PLA2G4D: variants seen among roughly 807,000 people sequenced by gnomAD.
PLA2G4D encodes phospholipase A2 group IVD, also known as cytosolic phospholipase A2 delta.
A neutral mutation model predicts 94.4 loss-of-function variants in PLA2G4D; 80 were observed. The observed-to-expected ratio is 0.85, with a 90% CI of 0.71 to 1.02. The LOEUF is 1.02. PLA2G4D is among the 50% of genes least tolerant of loss of function. The pLI is 0.00. For missense variants in PLA2G4D, 1,050 were observed against 1,034.7 expected (o/e 1.01, Z -0.20); for synonymous variants, 438 against 440.9 (o/e 0.99, Z 0.08).
In PLA2G4D at chr15:42,068,692, G is replaced by A. The variant is rs558372548; in HGVS notation, c.*23C>T. ...CAGGTTATGCCCGCAGGCCCTGGAGGGTCCTGCAGCCTCTGAGCAACCTCA... is the reference window on the plus strand; with the variant it reads ...CAGGTTATGCCCGCAGGCCCTGGAGAGTCCTGCAGCCTCTGAGCAACCTCA... On this transcript the variant is annotated 3_prime_UTR_variant, in exon 20 of 20. Transcript: ENST00000290472. 26 of 1,581,506 alleles carry A rather than the reference G, an allele frequency of 1.6e-5. No individual in the cohort carries two copies. In the East Asian group the frequency reaches 5.3e-4, roughly 32 times the overall value.
At chr15:42,083,472 C>T in intron 7 of PLA2G4D, 138 bp from the exon 8 acceptor site, 2 of 1,354,762 alleles carry the variant, frequency 1.5e-6, no homozygotes, top group Admixed American at 2.4e-5. Flanking sequence ...TGAAAAGGGC[C>T]CTTCCCAGCC....
rs755445900 is a variant in PLA2G4D at position 42,071,553 on chromosome 15, T to G, written c.1574-2A>C. 3 of 1,610,994 alleles carry G rather than the reference T, an allele frequency of 1.9e-6. No homozygotes were observed. In the Admixed American group the frequency reaches 5.0e-5, roughly 27 times the overall value. On this transcript the variant is annotated splice_acceptor_variant, in intron 15 of 19. Transcript: ENST00000290472. LOFTEE classifies it high-confidence loss of function. ...GGGAGAAAATGTTGCTCCAGATGGCTGAGGAACACCAAAAGAGATCAGCCT... is the reference window on the plus strand; with the variant it reads ...GGGAGAAAATGTTGCTCCAGATGGCGGAGGAACACCAAAAGAGATCAGCCT...
intron 9 of PLA2G4D, 44 bp from the exon 10 acceptor site, chr15:42,081,878 T>C (rs1177380948): frequency 6.3e-7 from 1 of 1,598,352 alleles, no homozygotes; most frequent in African/African-American, 1.3e-5. Context: ...TCCTAGACCC[T>C]AAGCGGCACA....
chr15:42,081,138 A>G lies in PLA2G4D; in HGVS notation c.958-5T>C. ...CATGATGCCCACAACGGGTACCTGGACCACACACAGACAGGCTGGATTAAC... is the reference window on the plus strand; with the variant it reads ...CATGATGCCCACAACGGGTACCTGGGCCACACACAGACAGGCTGGATTAAC... On this transcript the variant is annotated splice_region_variant and splice_polypyrimidine_tract_variant and intron_variant, in intron 11 of 19. Transcript: ENST00000290472. The G allele has an allele frequency of 1.9e-6, 3 of 1,613,136 alleles. No individual in the cohort carries two copies. Among genetic ancestry groups the G allele is most frequent in the Non-Finnish European group, 2.5e-6 (3 of 1,179,442 alleles).
chr15:42,076,461 G>T (rs1268450432), intron 13 of PLA2G4D, among the ~76,000 whole-genome samples: 2 of 151,988 alleles, frequency 1.3e-5, no homozygotes, highest in African/African-American at 2.4e-5. Context: ...TTGAAATTAT[G>T]CATTAAAACC....
chr15:42,070,620 C>G (rs1269071542), intron 18 of PLA2G4D, 97 bp downstream of exon 18: 1 of 1,368,092 alleles, frequency 7.3e-7, no homozygotes, highest in South Asian at 1.4e-5. Flanking sequence ...CCCTTCGGGA[C>G]CCCGGCGGTG....
chr15:42,087,608 C>CA lies in PLA2G4D; in HGVS notation c.118+19_118+20insT, dbSNP rs1566865850. The CA allele has an allele frequency of 1.9e-6, 3 of 1,613,792 alleles. No homozygotes were observed. The Admixed American group carries it at 5.0e-5, about 27-fold the overall frequency. ...CTGGTCCTCCCTGCTCCCGACAGAG[C>CA]GCACAGGGCGGTTACTCACACAGGT... On this transcript the variant is annotated intron_variant, in intron 2 of 19. Transcript: ENST00000290472.
At chr15:42,089,436 A>G (rs1595599675) in intron 1 of PLA2G4D, among the ~76,000 whole-genome samples, 1 of 152,296 alleles carries the variant, frequency 6.6e-6, no homozygotes, top group East Asian at 1.9e-4. Flanking sequence ...CCAACGTCCT[A>G]TCATTCCAGG....
chr15:42,086,194 T>TTCCCCCCACCCCCCCC lies in PLA2G4D; in HGVS notation c.387+18_387+19insGGGGGGGGTGGGGGGA. On this transcript the variant is annotated intron_variant, in intron 4 of 19. Coordinates refer to ENST00000290472, the MANE Select transcript of PLA2G4D (RefSeq NM_178034.4). ...GGAAGAAGTGGGGCCCACGGGGACTTCCCCACCCACCCACCCACCTGGGGA... is the reference window on the plus strand; with the variant it reads ...GGAAGAAGTGGGGCCCACGGGGACTTTCCCCCCACCCCCCCCCCCCACCCACCCACCCACCTGGGGA... 1 of 1,370,444 alleles carries TTCCCCCCACCCCCCCC rather than the reference T, an allele frequency of 7.3e-7. No homozygotes were observed. The highest frequency in any genetic ancestry group is 1.5e-5 in the South Asian group (1 of 66,866). The allele number at this position is 1,370,444 out of a possible 1,614,324, so 84.9% of individuals were successfully genotyped here. A position where few individuals can be genotyped will look rare whatever the true frequency, so the allele number is the denominator to read the frequency against.
intron 4 of PLA2G4D, 42 bp from the exon 5 acceptor site, chr15:42,085,573 T>G: frequency 6.3e-7 from 1 of 1,598,520 alleles, no homozygotes; most frequent in Non-Finnish European, 8.6e-7. Flanking sequence ...CACATACCTG[T>G]GTCTTCAGAG....
rs549252546 is a variant in PLA2G4D, at chr15:42,086,439, A to G, written c.256-95T>C. 30 of 1,273,348 alleles carry G rather than the reference A, an allele frequency of 2.4e-5. No individual in the cohort carries two copies. In the African/African-American group the frequency reaches 4.1e-4, roughly 18 times the overall value. The allele number at this position is 1,273,348 out of a possible 1,614,324, so 78.9% of individuals were successfully genotyped here. On this transcript the variant is annotated intron_variant, in intron 3 of 19. Coordinates refer to ENST00000290472, the MANE Select transcript of PLA2G4D (RefSeq NM_178034.4). ...CTTACTTGATGTCTAGAGTCAGAGA[A>G]GATCATTATGCCACCACACGTCTGC...
rs751467682 is a variant in PLA2G4D at position 42,071,211 on chromosome 15, C to T, written c.1788G>A (p.Arg596=). Residue 596 remains arginine (R), a synonymous_variant, in exon 17 of 20, where the codon AGG becomes AGA. Coordinates refer to ENST00000290472, the MANE Select transcript of PLA2G4D (RefSeq NM_178034.4). ...AGTTGGGGCTGCGCTGGTGGAGGGG[C>T]CTGCCTGTCAGGAAGCCTTTAAATG... ...AQAFKGFLTG[R]PLHQRSPNFL... 2.5e-6 allele frequency: 4 copies of T among 1,613,274 alleles called. No homozygotes were observed. Among genetic ancestry groups the T allele is most frequent in the East Asian group, 2.2e-5 (1 of 44,882 alleles).
intron 8 of PLA2G4D, among the ~76,000 whole-genome samples, chr15:42,082,858 G>T (rs531577669): frequency 6.6e-6 from 1 of 152,294 alleles, no homozygotes; most frequent in African/African-American, 2.4e-5. Flanking sequence ...GATGGCTGAG[G>T]CATCGTGCAT....
intron 1 of PLA2G4D, among the ~76,000 whole-genome samples, chr15:42,087,935 A>T (rs901555700): frequency 6.6e-6 from 1 of 152,170 alleles, no homozygotes; most frequent in Non-Finnish European, 1.5e-5. Flanking sequence ...CCAGATGTGG[A>T]ATTTGTGGAA....
At chr15:42,089,801 T>C (rs1414488542) in intron 1 of PLA2G4D, among the ~76,000 whole-genome samples, 1 of 152,202 alleles carries the variant, frequency 6.6e-6, no homozygotes, top group East Asian at 1.9e-4. Flanking sequence ...CCACAGCTTG[T>C]GGGCTGCTCT....
chr15:42,070,386 G>T, intron 18 of PLA2G4D: 2 of 513,514 alleles, frequency 3.9e-6, no homozygotes, highest in Non-Finnish European at 6.8e-6. Context: ...TCCCAGAGCC[G>T]AGAGGAGACC....
At position 42,081,112 on chromosome 15, in the gene PLA2G4D, C is replaced by T. The variant is rs760857380; in HGVS notation, c.979G>A (p.Ala327Thr). The T allele has an allele frequency of 6.2e-7, 1 of 1,614,028 alleles. No individual in the cohort carries two copies. Among genetic ancestry groups the T allele is most frequent in the Non-Finnish European group, 8.5e-7 (1 of 1,179,946 alleles). Residue 327 changes from alanine to threonine, a missense_variant, in exon 12 of 20, where the codon GCC becomes ACC. Coordinates refer to ENST00000290472, the MANE Select transcript of PLA2G4D (RefSeq NM_178034.4). ...ATGGCCCGGGCACCTCCTCCTGTGG[C>T]CATGATGCCCACAACGGGTACCTGG... ...EDEVPVVGIM[A>T]TGGGARAMTS... is the part of the protein sequence containing the mutation.
chr15:42,082,694 G>A lies in PLA2G4D; in HGVS notation c.673-305C>T, dbSNP rs199522500. 8.3e-4 allele frequency among the ~76,000 whole-genome samples: 127 copies of A among 152,242 alleles called. 1 individual carries two copies. The highest frequency in any genetic ancestry group is 5.8e-4 in the East Asian group (3 of 5,182). ...TCTAATGCAACCAAAGGTGGAGTGC[G>A]TGGGGTTTATTTGAGGTGGGGGTCA... is the stretch of plus-strand genomic sequence containing the variant. On this transcript the variant is annotated intron_variant, in intron 8 of 19. Coordinates refer to ENST00000290472, the MANE Select transcript of PLA2G4D (RefSeq NM_178034.4).
chr15:42,079,888 A>G (rs990992731), intron 12 of PLA2G4D, 129 bp from the exon 13 acceptor site: 1 of 803,626 alleles, frequency 1.2e-6, no homozygotes, highest in African/African-American at 1.8e-5. Context: ...GATCTGGTAA[A>G]TGGGTCTCAG....
Sources: allele counts gnomAD v4.1 joint callset (sites outside exome capture counted in the v4.1 genomes callset), GRCh38; gene constraint gnomAD v4.1.1; transcripts MANE v1.5; gene names NCBI Gene and HGNC (gene_info 2026-07-23, HGNC 2026-07-21).